KRTAP2-2: variants seen among roughly 807,000 people sequenced by gnomAD.
KRTAP2-2 encodes keratin associated protein 2-2.
A neutral mutation model predicts 10.2 loss-of-function variants in KRTAP2-2; 3 were observed. That is an observed-to-expected ratio of 0.29 (90% confidence interval 0.13 to 0.76). The LOEUF is 0.76. Ranked by LOEUF, KRTAP2-2 falls within the 30% of genes least tolerant of loss-of-function variation. KRTAP2-2 has a pLI of 0.67. For missense variants in KRTAP2-2, 54 were observed against 163.6 expected (o/e 0.33, Z 3.65); for synonymous variants, 20 against 70.8 (o/e 0.28, Z 3.60).
chr17:41,055,033 C>A (rs1454337546), exon 1 of KRTAP2-2: 18 of 1,118,248 alleles, frequency 1.6e-5, no homozygotes, highest in African/African-American at 1.2e-4. Flanking sequence ...GCACACCGGG[C>A]GGCGGCAGGG....
exon 1 of KRTAP2-2, chr17:41,054,504 T>A (rs965824619): frequency 3.4e-6 from 2 of 587,732 alleles, no homozygotes; most frequent in African/African-American, 3.7e-5. Flanking sequence ...ATGATTTCTA[T>A]GGTAGGAGTA....
exon 1 of KRTAP2-2, chr17:41,054,742 C>G (rs1473487578): frequency 6.5e-7 from 1 of 1,528,942 alleles, no homozygotes; most frequent in Non-Finnish European, 8.8e-7. Flanking sequence ...TTCGTGATAA[C>G]GGGCTGCTCA....
At chr17:41,054,973 C>T in exon 1 of KRTAP2-2, 1 of 1,133,718 alleles carries the variant, frequency 8.8e-7, no homozygotes, top group East Asian at 2.5e-5. Context: ...CGACGAGGGG[C>T]AGCAGGTGAT....
chr17:41,054,664 A>G, exon 1 of KRTAP2-2: 1 of 1,504,868 alleles, frequency 6.6e-7, no homozygotes, highest in South Asian at 1.3e-5. Flanking sequence ...TCTCAAGGAA[A>G]CGTGTATTGC....
exon 1 of KRTAP2-2, chr17:41,054,922 G>C: frequency 9.5e-7 from 1 of 1,049,648 alleles, no homozygotes. Flanking sequence ...CTGGCAGCAG[G>C]TGGTGGCCCA....
chr17:41,054,616 C>T, exon 1 of KRTAP2-2: 1 of 1,310,176 alleles, frequency 7.6e-7, no homozygotes, highest in Non-Finnish European at 1.0e-6. Context: ...GTCTTCAATG[C>T]ATAGTGTGAG....
At chr17:41,054,731 C>T in exon 1 of KRTAP2-2, 1 of 1,537,036 alleles carries the variant, frequency 6.5e-7, no homozygotes. Context: ...CTGAGGGGCC[C>T]TTCGTGATAA....
rs9674566 is a variant in KRTAP2-2 at position 41,054,847 on chromosome 17, G to A, written c.365C>T (p.Ser122Phe). Residue 122 changes from serine (S) to phenylalanine (F), a missense_variant, in exon 1 of 1, where the codon TCC becomes TTC. Physicochemically the swap from Ser to Phe is radical, Grantham distance 155. Transcript: ENST00000398477. ...CTGGCAGCAGGTGGTGGCTCAGCAG[G>A]AGGAGGTCCTGCAGGTGGTGCTGCA... 2.2e-4 allele frequency: 331 copies of A among 1,514,624 alleles called. 3 individuals carry two copies. In the African/African-American group the frequency reaches 4.8e-3, roughly 22 times the overall value. The allele number at this position is 1,514,624 out of a possible 1,614,324, so 93.8% of individuals were successfully genotyped here.
chr17:41,054,973 C>G (rs2013047778), exon 1 of KRTAP2-2: 1 of 1,133,718 alleles, frequency 8.8e-7, no homozygotes. Context: ...CGACGAGGGG[C>G]AGCAGGTGAT....
At chr17:41,054,712 G>T in exon 1 of KRTAP2-2, 1 of 1,537,086 alleles carries the variant, frequency 6.5e-7, no homozygotes, top group East Asian at 2.4e-5. Flanking sequence ...GGATGGACCT[G>T]GCCATCTTCT....
chr17:41,054,646 A>G (rs1347119354), exon 1 of KRTAP2-2: 28 of 1,463,500 alleles, frequency 1.9e-5, no homozygotes, highest in Non-Finnish European at 2.1e-5. Context: ...AGAGATGAGA[A>G]ATGGGCTTCT....
exon 1 of KRTAP2-2, chr17:41,055,224 G>A: frequency 1.4e-6 from 2 of 1,388,668 alleles, no homozygotes; most frequent in Admixed American, 2.9e-5. Context: ...TGGTGTCTGA[G>A]GCTGGTGTGG....
At chr17:41,055,213 G>C (rs1242552477) in exon 1 of KRTAP2-2, 1 of 1,410,220 alleles carries the variant, frequency 7.1e-7, no homozygotes, top group Non-Finnish European at 9.3e-7. Context: ...GCCGGTCATG[G>C]TGGTGTCTGA....
In KRTAP2-2 at chr17:41,054,516, T is replaced by C; in HGVS notation, c.*324A>G. ...ACCATGATTTCTATGGTAGGAGTAT[T>C]GAGTTTATTAGAAAGCAGACAACAT... On this transcript the variant is annotated 3_prime_UTR_variant, in exon 1 of 1. Coordinates refer to ENST00000398477, the Ensembl canonical transcript of KRTAP2-2. 4 of 611,772 alleles carry C rather than the reference T, an allele frequency of 6.5e-6. 1 individual carries two copies. The South Asian group carries it at 9.1e-5, about 14-fold the overall frequency. 37.9% of individuals were successfully genotyped at this position (611,772 alleles called of 1,614,324 possible). A position where few individuals can be genotyped will look rare whatever the true frequency, so the allele number is the denominator to read the frequency against.
chr17:41,054,850 G>T lies in KRTAP2-2; in HGVS notation c.362C>A (p.Ser121Tyr), dbSNP rs199531527. Residue 121 changes from serine (S) to tyrosine (Y), a missense_variant, in exon 1 of 1, where the codon TCC becomes TAC. Physicochemically the swap from Ser to Tyr is moderately radical, Grantham distance 144. Coordinates refer to ENST00000398477, the Ensembl canonical transcript of KRTAP2-2. ...GCAGCAGGTGGTGGCTCAGCAGGAG[G>T]AGGTCCTGCAGGTGGTGCTGCAAGG... 1.8e-3 allele frequency: 2,718 copies of T among 1,499,266 alleles called. 199 individuals carry two copies. In the African/African-American group the frequency reaches 0.047, roughly 26 times the overall value. The allele number at this position is 1,499,266 out of a possible 1,614,324, so 92.9% of individuals were successfully genotyped here. A position where few individuals can be genotyped will look rare whatever the true frequency, so the allele number is the denominator to read the frequency against.
exon 1 of KRTAP2-2, chr17:41,054,804 G>T (rs546491643): frequency 6.5e-7 from 1 of 1,534,412 alleles, no homozygotes; most frequent in African/African-American, 1.4e-5. Flanking sequence ...GGCCGCAGGG[G>T]GACTGCACAG....
At position 41,055,117 on chromosome 17, in the gene KRTAP2-2, C is replaced by A. The variant is rs777968904; in HGVS notation, c.95G>T (p.Arg32Leu). The A allele has an allele frequency of 1.6e-5, 21 of 1,314,900 alleles. No homozygotes were observed. The African/African-American group carries it at 3.0e-4, about 19-fold the overall frequency. 81.5% of individuals were successfully genotyped at this position (1,314,900 alleles called of 1,614,324 possible). ...CACGGTGGTCTGGCAGGTCACGGGG[C>A]GGCAGCAGCAGGGGTCGCGGCAGCA... The change falls in exon 1 of 1, where the codon CGC becomes CTC. Residue 32 changes from arginine (R) to leucine (L), a missense_variant. Coordinates refer to ENST00000398477, the Ensembl canonical transcript of KRTAP2-2.
chr17:41,054,697 C>T, exon 1 of KRTAP2-2: 1 of 1,533,582 alleles, frequency 6.5e-7, no homozygotes. Context: ...CCCTGAGGGG[C>T]AGCGGGATGG....
At chr17:41,054,741 A>G (rs745646819) in exon 1 of KRTAP2-2, 1 of 1,521,810 alleles carries the variant, frequency 6.6e-7, no homozygotes, top group Non-Finnish European at 8.8e-7. Flanking sequence ...CTTCGTGATA[A>G]CGGGCTGCTC....
Sources: allele counts gnomAD v4.1 joint callset, GRCh38; gene constraint gnomAD v4.1.1; transcripts MANE v1.5; gene names NCBI Gene and HGNC (gene_info 2026-07-23, HGNC 2026-07-21).